The following LHPP variants were observed in gnomAD, a reference collection of about 807,000 sequenced individuals.
LHPP encodes the protein hLHPP.
LHPP carries 24 observed loss-of-function variants against 30.3 expected under a neutral mutation model. The observed-to-expected ratio is 0.79, with a 90% CI of 0.57 to 1.11. The LOEUF (loss-of-function observed/expected upper bound fraction) is 1.11. Ranked by LOEUF, LHPP falls within the 50% of genes most tolerant of loss-of-function variation. The pLI, the probability that LHPP is intolerant of heterozygous loss-of-function variation, is 0.00. For synonymous variants in LHPP, 150 were observed against 157.1 expected, an observed-to-expected ratio of 0.95 and a Z score of 0.34; for missense variants, 356 against 367.2, an observed-to-expected ratio of 0.97 and a Z score of 0.25.
intron 6 of LHPP, among the ~76,000 whole-genome samples, chr10:124,527,824 A>T (rs1954784043): frequency 6.6e-6 from 1 of 150,612 alleles, no homozygotes; most frequent in Admixed American, 6.6e-5. Flanking sequence ...TCTGTTTCCT[A>T]GGTGGGAGTG....
At chr10:124,549,199 G>A (rs562150406) in intron 6 of LHPP, among the ~76,000 whole-genome samples, 1 of 152,200 alleles carries the variant, frequency 6.6e-6, no homozygotes. Flanking sequence ...CACTTTGGGA[G>A]GCCAAGGCAG....
intron 6 of LHPP, among the ~76,000 whole-genome samples, chr10:124,585,999 G>A (rs1272542675): frequency 6.6e-6 from 1 of 152,144 alleles, no homozygotes; most frequent in East Asian, 1.9e-4. Flanking sequence ...GGCCAGGCTG[G>A]TCTCAAACTC....
chr10:124,605,925 C>T (rs949752900), intron 6 of LHPP, among the ~76,000 whole-genome samples: 43 of 152,186 alleles, frequency 2.8e-4, no homozygotes, highest in African/African-American at 9.6e-4. Flanking sequence ...CTGTGGGTTC[C>T]GGTGGTTAAG....
chr10:124,470,681 C>T (rs77785201), intron 1 of LHPP, among the ~76,000 whole-genome samples: 317 of 150,860 alleles, frequency 2.1e-3, no homozygotes, highest in African/African-American at 3.6e-3. Context: ...ACAACAACAA[C>T]AATAATAATA....
chr10:124,499,513 G>C (rs1953840440), intron 5 of LHPP, among the ~76,000 whole-genome samples: 1 of 151,946 alleles, frequency 6.6e-6, no homozygotes. Context: ...AAATTAGCTG[G>C]GCGAGGTGGT....
intron 1 of LHPP, among the ~76,000 whole-genome samples, chr10:124,468,664 G>A (rs905903247): frequency 6.6e-6 from 1 of 152,226 alleles, no homozygotes; most frequent in African/African-American, 2.4e-5. Flanking sequence ...CCGCTGAGCT[G>A]TCCAGCACCC....
chr10:124,598,961 C>T (rs563267580), intron 6 of LHPP, among the ~76,000 whole-genome samples: 2 of 151,474 alleles, frequency 1.3e-5, no homozygotes, highest in African/African-American at 4.8e-5. Flanking sequence ...CTCCATCTAT[C>T]CATCTCTGTC....
rs1482958332 is a variant in LHPP, at chr10:124,523,174, G to C, written c.716+5903G>C. 1.3e-5 allele frequency among the ~76,000 whole-genome samples: 2 copies of C among 152,268 alleles called. No homozygotes were observed. The highest frequency in any genetic ancestry group is 4.8e-5 in the African/African-American group (2 of 41,478). The stretch of plus-strand genomic sequence containing the variant: ...TCTTATTGTTTACCCAAGGCTGGCA[G>C]ATGTTTTATAAGCCCCGAACGTTCT... On this transcript the variant is annotated intron_variant, in intron 6 of 6. Coordinates refer to ENST00000368842, the MANE Select transcript of LHPP (RefSeq NM_022126.4). This position sits in a 1 kb window ranked among gnomAD's most constrained non-coding sequence, Gnocchi z 4.2.
In LHPP at chr10:124,595,478, G is replaced by C. The variant is rs372251843; in HGVS notation, c.717-17786G>C. 2.0e-5 allele frequency among the ~76,000 whole-genome samples: 3 copies of C among 152,342 alleles called. No homozygotes were observed. In the East Asian group the frequency reaches 5.8e-4, roughly 29 times the overall value. Reference sequence around the variant, plus strand: ...TTGGCTGCCATAGAAGGCCATTCACGTCCCTCACACCCTGGCCTGTGCTGC... The same window carrying C: ...TTGGCTGCCATAGAAGGCCATTCACCTCCCTCACACCCTGGCCTGTGCTGC... On this transcript the variant is annotated intron_variant, in intron 6 of 6. Coordinates refer to ENST00000368842, the MANE Select transcript of LHPP (RefSeq NM_022126.4).
At chr10:124,559,781 C>T (rs1159034298) in intron 6 of LHPP, among the ~76,000 whole-genome samples, 1 of 152,234 alleles carries the variant, frequency 6.6e-6, no homozygotes, top group Non-Finnish European at 1.5e-5. Context: ...ATCTTTGGTC[C>T]TTTGGTGGCA....
In LHPP at chr10:124,466,908, A is replaced by G. The variant is rs551280706; in HGVS notation, c.125+4921A>G. ...TAATCCCAGCACTTTGGGAGGCTGGAGGTAGAAGGATTGAGACCAGCCTGG... is the reference window on the plus strand; with the variant it reads ...TAATCCCAGCACTTTGGGAGGCTGGGGGTAGAAGGATTGAGACCAGCCTGG... On this transcript the variant is annotated intron_variant, in intron 1 of 6. Transcript: ENST00000368842. Among the ~76,000 whole-genome samples the G allele has an allele frequency of 6.8e-3, 1,024 of 151,680 alleles. 12 individuals carry two copies. Among genetic ancestry groups the G allele is most frequent in the African/African-American group, 0.023 (935 of 41,426 alleles).
chr10:124,595,489 C>A (rs761893454), intron 6 of LHPP, among the ~76,000 whole-genome samples: 14 of 152,242 alleles, frequency 9.2e-5, no homozygotes, highest in Non-Finnish European at 1.3e-4. Flanking sequence ...TCCCTCACAC[C>A]CTGGCCTGTG....
intron 4 of LHPP, among the ~76,000 whole-genome samples, chr10:124,497,242 TCCCATCCTC>T (rs1264255913): frequency 0.059 from 1,464 of 24,924 alleles, 32 homozygotes; most frequent in African/African-American, 0.15. Flanking sequence ...TTCCCATCCT[TCCCATCCTC>T]CCCATCCTCC....
At chr10:124,601,848 C>T (rs1328649337) in intron 6 of LHPP, among the ~76,000 whole-genome samples, 2 of 152,382 alleles carry the variant, frequency 1.3e-5, no homozygotes, top group East Asian at 3.9e-4. Flanking sequence ...CACCAGGCTG[C>T]AGATCCCAAG....
intron 6 of LHPP, among the ~76,000 whole-genome samples, chr10:124,565,003 C>T (rs1269493378): frequency 6.6e-6 from 1 of 152,132 alleles, no homozygotes; most frequent in Non-Finnish European, 1.5e-5. Context: ...ACTTTGGGGA[C>T]TTGGAGGAAG....
Position 124,613,178 on chromosome 10 carries a change from G to A in LHPP, c.717-86G>A, listed in dbSNP as rs2068131448. ...TGGAGGTTTCCTCAAGCTAAGGCCAGGCCCATGTTAGATGCTGGGAGGGTG... is the reference window on the plus strand; with the variant it reads ...TGGAGGTTTCCTCAAGCTAAGGCCAAGCCCATGTTAGATGCTGGGAGGGTG... On this transcript the variant is annotated intron_variant, in intron 6 of 6. Coordinates refer to ENST00000368842, the MANE Select transcript of LHPP (RefSeq NM_022126.4). 5.7e-6 allele frequency: 6 copies of A among 1,059,480 alleles called. No individual in the cohort carries two copies. In the South Asian group the frequency reaches 7.6e-5, roughly 13 times the overall value. 65.6% of individuals were successfully genotyped at this position (1,059,480 alleles called of 1,614,324 possible).
chr10:124,487,726 G>A (rs1287781436), intron 2 of LHPP, among the ~76,000 whole-genome samples: 1 of 152,114 alleles, frequency 6.6e-6, no homozygotes, highest in East Asian at 1.9e-4. Context: ...TTACAGGCAT[G>A]AGCCACCGCA....
In LHPP at chr10:124,607,284, C is replaced by T. The variant is rs1949107530; in HGVS notation, c.717-5980C>T. 2.0e-5 allele frequency among the ~76,000 whole-genome samples: 3 copies of T among 152,356 alleles called. No individual in the cohort carries two copies. The South Asian group carries it at 6.2e-4, about 32-fold the overall frequency. ...CTCCTGCCCAGGCCATTGGACAAAG[C>T]AGAGCTGCTTCAGGGGCTTTGGGGC... On this transcript the variant is annotated intron_variant, in intron 6 of 6. Coordinates refer to ENST00000368842, the MANE Select transcript of LHPP (RefSeq NM_022126.4).
At chr10:124,515,121 T>C (rs1174019208) in intron 5 of LHPP, among the ~76,000 whole-genome samples, 2 of 152,206 alleles carry the variant, frequency 1.3e-5, no homozygotes, top group Non-Finnish European at 2.9e-5. Context: ...TTTGAGGAAC[T>C]CTAATTGCGT....
Sources: allele counts gnomAD v4.1 joint callset (sites outside exome capture counted in the v4.1 genomes callset), GRCh38; gene constraint gnomAD v4.1.1; non-coding constraint Gnocchi (gnomAD v3.1); transcripts MANE v1.5; gene names NCBI Gene and HGNC (gene_info 2026-07-23, HGNC 2026-07-21).